The following MGRN1 variants were observed in gnomAD, a reference collection of about 807,000 sequenced individuals.
MGRN1 encodes the protein E3 ubiquitin-protein ligase MGRN1.
In MGRN1, 29 loss-of-function variants were observed where a neutral mutation model predicts 69.2. That is an observed-to-expected ratio of 0.42 (90% CI 0.31 to 0.57). The LOEUF is 0.57. MGRN1 is among the 20% of genes least tolerant of loss of function. MGRN1 has a pLI of 0.15. For missense variants in MGRN1, 998 were observed against 796.2 expected (o/e 1.25, Z -3.05); for synonymous variants, 470 against 344.2 (o/e 1.37, Z -4.04).
intron 8 of MGRN1, among the ~76,000 whole-genome samples, chr16:4,668,911 TATAC>T (rs1567217559): frequency 6.6e-6 from 1 of 151,804 alleles, no homozygotes; most frequent in Admixed American, 6.6e-5. Flanking sequence ...CTCGCACACA[TATAC>T]AGACATACAT....
At chr16:4,665,187 T>A in intron 7 of MGRN1, 36 bp downstream of exon 7, 1 of 1,611,362 alleles carries the variant, frequency 6.2e-7, no homozygotes, top group Non-Finnish European at 8.5e-7. Flanking sequence ...CCCGGGGACC[T>A]GGGAGCTGGG....
At chr16:4,686,455 C>T (rs2079321241) in intron 16 of MGRN1, 1 of 1,425,432 alleles carries the variant, frequency 7.0e-7, no homozygotes, top group African/African-American at 1.4e-5. Context: ...GAATCCAGAG[C>T]TCTCCAGTGG....
chr16:4,659,820 G>A (rs2078635483), intron 5 of MGRN1, among the ~76,000 whole-genome samples: 1 of 151,424 alleles, frequency 6.6e-6, no homozygotes, highest in South Asian at 2.1e-4. Context: ...AGAAGGCTGG[G>A]TGGCCTGAGA....
chr16:4,644,256 T>C (rs1167195127), intron 1 of MGRN1, among the ~76,000 whole-genome samples: 1 of 151,488 alleles, frequency 6.6e-6, no homozygotes, highest in Non-Finnish European at 1.5e-5. Context: ...CCTCCCAAAG[T>C]GCTGGGTTTA....
At chr16:4,636,303 G>C (rs538943269) in intron 1 of MGRN1, among the ~76,000 whole-genome samples, 91 of 151,762 alleles carry the variant, frequency 6.0e-4, no homozygotes, top group African/African-American at 2.0e-3. Context: ...GCTTGGGTTT[G>C]AGCTTGAAAG....
At position 4,650,466 on chromosome 16, in the gene MGRN1, G is replaced by A; in HGVS notation, c.190G>A (p.Gly64Ser). 6.2e-7 allele frequency: 1 copy of A among 1,613,700 alleles called. No homozygotes were observed. The highest frequency in any genetic ancestry group is 8.5e-7 in the Non-Finnish European group (1 of 1,179,862). The change falls in exon 2 of 17, where the codon GGC becomes AGC. Residue 64 changes from glycine (G) to serine (S), a missense_variant. Physicochemically the swap from Gly to Ser is moderately conservative, Grantham distance 56. Coordinates refer to ENST00000262370, the MANE Select transcript of MGRN1 (RefSeq NM_015246.4). ...FGENMDLNFLGSRPVQFPYVT... is the reference protein window; with the variant it reads ...FGENMDLNFLSSRPVQFPYVT... ...AGAGAACATGGATCTGAACTTCCTG[G>A]GCAGCCGCCCGGTCCAGGTGGGTCT...
At position 4,683,174 on chromosome 16, in the gene MGRN1, G is replaced by A. The variant is rs761675366; in HGVS notation, c.1483-50G>A. 112 of 1,603,920 alleles carry A rather than the reference G, an allele frequency of 7.0e-5. 1 individual carries two copies. Among genetic ancestry groups the A allele is most frequent in the Admixed American group, 1.3e-4 (8 of 59,956 alleles). On this transcript the variant is annotated intron_variant, in intron 14 of 16. Coordinates refer to ENST00000262370, the MANE Select transcript of MGRN1 (RefSeq NM_015246.4). ...GCCTGATGGCGGCTTGTCCTGGAGC[G>A]GTGGCCGCGGCTCTCTGAGCTCTAG...
chr16:4,665,260 G>T (rs1368841503), intron 7 of MGRN1, 109 bp downstream of exon 7: 2 of 1,200,502 alleles, frequency 1.7e-6, no homozygotes, highest in African/African-American at 1.5e-5. Context: ...GGGTGGCTGA[G>T]TGTCAAGGGC....
At chr16:4,676,711 C>T (rs923116651) in intron 10 of MGRN1, among the ~76,000 whole-genome samples, 3 of 152,164 alleles carry the variant, frequency 2.0e-5, no homozygotes, top group Non-Finnish European at 4.4e-5. Flanking sequence ...CTAAAGGTGT[C>T]TCAGGAACAT....
At position 4,664,794 on chromosome 16, in the gene MGRN1, GTCC is replaced by G; in HGVS notation, c.628+24_628+26del. 1 of 1,613,860 alleles carries G rather than the reference GTCC, an allele frequency of 6.2e-7. No homozygotes were observed. Among genetic ancestry groups the G allele is most frequent in the Non-Finnish European group, 8.5e-7 (1 of 1,179,712 alleles). ...GGAGATGGTGAGTGCGTCCTCTTCCGTCCTCCTGGGCGTGCAGGCCGTGCAGGG... is the reference window on the plus strand; with the variant it reads ...GGAGATGGTGAGTGCGTCCTCTTCCGTCCTGGGCGTGCAGGCCGTGCAGGG... On this transcript the variant is annotated intron_variant, in intron 6 of 16. Coordinates refer to ENST00000262370, the MANE Select transcript of MGRN1 (RefSeq NM_015246.4).
intron 16 of MGRN1, chr16:4,687,474 A>G: frequency 1.0e-6 from 1 of 956,538 alleles, no homozygotes; most frequent in Non-Finnish European, 1.2e-6. Context: ...GGAGCTGGGG[A>G]GGTCAAGGCC....
In MGRN1 at chr16:4,683,942, TG is replaced by T; in HGVS notation, c.1618+15del. The T allele has an allele frequency of 1.9e-6, 1 of 531,104 alleles. No homozygotes were observed. Among genetic ancestry groups the T allele is most frequent in the Non-Finnish European group, 3.4e-6 (1 of 291,128 alleles). The allele number at this position is 531,104 out of a possible 1,614,324, so 32.9% of individuals were successfully genotyped here. Reference sequence around the variant, plus strand: ...GACATCTACCTGCCAGGTAAGGGGCTGGGGGTCTGGGGGTGAGGGGCTGGGT... The same window carrying T: ...GACATCTACCTGCCAGGTAAGGGGCTGGGGTCTGGGGGTGAGGGGCTGGGT... On this transcript the variant is annotated intron_variant, in intron 16 of 16. Transcript: ENST00000262370.
intron 16 of MGRN1, among the ~76,000 whole-genome samples, chr16:4,684,295 C>T (rs1285702404): frequency 1.3e-5 from 2 of 152,262 alleles, no homozygotes; most frequent in Non-Finnish European, 2.9e-5. Context: ...TCCGGCCCCA[C>T]TGGGATCACC....
At chr16:4,649,705 G>C (rs368498740) in intron 1 of MGRN1, 1 of 152,608 alleles carries the variant, frequency 6.6e-6, no homozygotes, top group Non-Finnish European at 1.5e-5. Context: ...TGGGTGTGGA[G>C]TAGGACCCGA....
chr16:4,664,953 G>T, intron 6 of MGRN1, 149 bp from the exon 7 acceptor site: 1 of 1,156,014 alleles, frequency 8.7e-7, no homozygotes. Flanking sequence ...GGAAAGTGCA[G>T]GAGGGCAGGT....
At chr16:4,687,232 A>G (rs2079345808) in intron 16 of MGRN1, 2 of 985,108 alleles carry the variant, frequency 2.0e-6, no homozygotes, top group African/African-American at 3.5e-5. Context: ...GCCCTCTACC[A>G]GGGTGGCCCA....
chr16:4,648,070 C>A (rs1426317169), intron 1 of MGRN1, among the ~76,000 whole-genome samples: 1 of 152,160 alleles, frequency 6.6e-6, no homozygotes, highest in Non-Finnish European at 1.5e-5. Context: ...GAAGGGCCCA[C>A]CTGGCCTCAG....
At chr16:4,641,610 C>T (rs2078159974) in intron 1 of MGRN1, among the ~76,000 whole-genome samples, 1 of 151,194 alleles carries the variant, frequency 6.6e-6, no homozygotes, top group African/African-American at 2.4e-5. Context: ...CCTCTGCCTC[C>T]CAGGTTCAAG....
chr16:4,640,391 C>T (rs2078132575), intron 1 of MGRN1: 1 of 152,264 alleles, frequency 6.6e-6, no homozygotes, highest in Non-Finnish European at 1.5e-5. Context: ...TGCCTCGAGG[C>T]CTCCCACGGA....
Sources: gnomAD v4.1 joint callset for allele counts (sites outside exome capture counted in the v4.1 genomes callset) on GRCh38, gnomAD v4.1.1 for gene constraint, MANE v1.5 for transcripts, NCBI Gene and HGNC (gene_info 2026-07-23, HGNC 2026-07-21) for gene names.